KSR2: variants seen among roughly 807,000 people sequenced by gnomAD.
KSR2 encodes kinase suppressor of ras 2.
KSR2 carries 25 observed loss-of-function variants against 107.8 expected under a neutral mutation model. That is an observed-to-expected ratio of 0.23 (90% CI 0.17 to 0.32). The LOEUF is 0.32. KSR2 is among the 10% of genes least tolerant of loss of function. KSR2 has a pLI of 1.00. For missense variants in KSR2, 887 were observed against 1,268.9 expected (o/e 0.70, Z 4.57); for synonymous variants, 480 against 507.0 (o/e 0.95, Z 0.71).
At position 117,545,302 on chromosome 12, in the gene KSR2, G is replaced by A. The variant is rs146042851; in HGVS notation, c.1519-5415C>T. Among the ~76,000 whole-genome samples, 508 of 152,262 alleles carry A rather than the reference G, an allele frequency of 3.3e-3. 2 individuals carry two copies. The highest frequency in any genetic ancestry group is 0.012 in the African/African-American group (486 of 41,562). ...ACTCTGGCTTTAGTATCAGGGTAAT[G>A]TTGGTATATATCATGAGTTGGAAAG... On this transcript the variant is annotated intron_variant, in intron 9 of 19. Transcript: ENST00000339824.
chr12:117,761,112 G>A lies in KSR2; in HGVS notation c.885C>T (p.Ser295=), dbSNP rs1888992020. The A allele has an allele frequency of 1.9e-6, 3 of 1,613,634 alleles. No individual in the cohort carries two copies. Among genetic ancestry groups the A allele is most frequent in the Non-Finnish European group, 2.5e-6 (3 of 1,179,676 alleles). The change falls in exon 4 of 20, where the codon TCC becomes TCT. Residue 295 remains serine (S), a synonymous_variant. Transcript: ENST00000339824. ...CCGGGATCAAGTGTATCAGTTTTCG[G>A]GAGGAGGGCGGTGGGGTCCCCGGGG... ...LKPPGTPPPS[S]RKLIHLIPGF...
At chr12:117,832,658 T>C (rs757515405) in intron 3 of KSR2, among the ~76,000 whole-genome samples, 1 of 152,218 alleles carries the variant, frequency 6.6e-6, no homozygotes, top group Non-Finnish European at 1.5e-5. Context: ...AGCATTCCAA[T>C]CTGCCCTTTC....
At chr12:117,502,316 T>C (rs1472181711) in intron 14 of KSR2, among the ~76,000 whole-genome samples, 1 of 152,246 alleles carries the variant, frequency 6.6e-6, no homozygotes, top group Non-Finnish European at 1.5e-5. Flanking sequence ...TGTATGTTTT[T>C]TTGTGACCTG....
chr12:117,765,622 T>C (rs1889197827), intron 3 of KSR2, among the ~76,000 whole-genome samples: 1 of 152,186 alleles, frequency 6.6e-6, no homozygotes, highest in Admixed American at 6.5e-5. Flanking sequence ...AAAACCTATT[T>C]TTGCAGAGCT....
In KSR2 at chr12:117,724,744, T is replaced by G. The variant is rs74966515; in HGVS notation, c.986+36267A>C. 3.7e-4 allele frequency among the ~76,000 whole-genome samples: 57 copies of G among 152,246 alleles called. No individual in the cohort carries two copies. In the East Asian group the frequency reaches 0.01, roughly 27 times the overall value. Reference sequence around the variant, plus strand: ...GAGGAATCAACAGAGACAAGGCACATTTTTGATCCCTTGTAGCGAGGGTTG... The same window carrying G: ...GAGGAATCAACAGAGACAAGGCACAGTTTTGATCCCTTGTAGCGAGGGTTG... On this transcript the variant is annotated intron_variant, in intron 4 of 19. Coordinates refer to ENST00000339824, the MANE Select transcript of KSR2 (RefSeq NM_173598.6).
chr12:117,812,963 TACAA>T (rs754690296), intron 3 of KSR2, among the ~76,000 whole-genome samples: 1 of 150,402 alleles, frequency 6.6e-6, no homozygotes, highest in East Asian at 1.9e-4. Context: ...TGTACAGGCA[TACAA>T]ACAGACATCA....
intron 12 of KSR2, among the ~76,000 whole-genome samples, chr12:117,527,693 G>A (rs547704999): frequency 6.6e-6 from 1 of 152,296 alleles, no homozygotes; most frequent in Non-Finnish European, 1.5e-5. Context: ...AACTGGCACG[G>A]CTTCTGACCT....
intron 5 of KSR2, among the ~76,000 whole-genome samples, chr12:117,627,701 G>A: frequency 6.6e-6 from 1 of 152,286 alleles, no homozygotes; most frequent in African/African-American, 2.4e-5. Flanking sequence ...TTCTCAAGGA[G>A]TATCTTTGTG....
At chr12:117,769,810 T>C (rs1889371938) in intron 3 of KSR2, among the ~76,000 whole-genome samples, 1 of 152,008 alleles carries the variant, frequency 6.6e-6, no homozygotes, top group South Asian at 2.1e-4. Context: ...TCCTAGCACT[T>C]TGGGAGGCCG....
intron 5 of KSR2, among the ~76,000 whole-genome samples, chr12:117,645,674 G>A (rs1017760078): frequency 3.9e-5 from 6 of 152,134 alleles, no homozygotes; most frequent in African/African-American, 1.4e-4. Flanking sequence ...TGTTTGGAAG[G>A]GGCTGTGATG....
At chr12:117,595,660 G>C (rs1198307885) in intron 5 of KSR2, among the ~76,000 whole-genome samples, 2 of 152,198 alleles carry the variant, frequency 1.3e-5, no homozygotes, top group African/African-American at 2.4e-5. Flanking sequence ...ACCGCGCCCG[G>C]CCCTGCTAGA....
intron 3 of KSR2, among the ~76,000 whole-genome samples, chr12:117,815,400 A>G (rs1330124687): frequency 6.8e-6 from 1 of 147,686 alleles, no homozygotes; most frequent in Non-Finnish European, 1.5e-5. Context: ...CATGTATAAG[A>G]AAAAAAAGCA....
At chr12:117,900,483 A>G (rs1178966761) in intron 1 of KSR2, among the ~76,000 whole-genome samples, 3 of 152,236 alleles carry the variant, frequency 2.0e-5, no homozygotes, top group African/African-American at 7.2e-5. Context: ...ACAGGAAAAC[A>G]GACACAAAAT....
intron 5 of KSR2, among the ~76,000 whole-genome samples, chr12:117,642,731 T>G (rs538420978): frequency 6.6e-6 from 1 of 152,366 alleles, no homozygotes; most frequent in South Asian, 2.1e-4. Flanking sequence ...ATGACTGAAC[T>G]CAAATAGGAA....
intron 14 of KSR2, among the ~76,000 whole-genome samples, chr12:117,523,386 A>C (rs1565882733): frequency 6.6e-6 from 1 of 152,196 alleles, no homozygotes; most frequent in Non-Finnish European, 1.5e-5. Flanking sequence ...GGTCATACTA[A>C]GAATGCCATT....
rs146079117 is a variant in KSR2, at chr12:117,555,415, A to C, written c.1394-122T>G. ...CCTCCAGACTGGAGGACAATTCACT[A>C]AAAGTGATAATGATTCTGTGGTGGG... On this transcript the variant is annotated intron_variant, in intron 8 of 19. Transcript: ENST00000339824. 3.5e-4 allele frequency: 315 copies of C among 904,856 alleles called. 1 individual carries two copies. In the African/African-American group the frequency reaches 3.5e-3, roughly 10 times the overall value. The allele number at this position is 904,856 out of a possible 1,614,324, so 56.1% of individuals were successfully genotyped here.
chr12:117,572,553 T>C (rs1469167219), intron 7 of KSR2, among the ~76,000 whole-genome samples: 1 of 151,896 alleles, frequency 6.6e-6, no homozygotes, highest in Non-Finnish European at 1.5e-5. Context: ...CCCCACATGC[T>C]CAGAGATGGC....
Position 117,918,760 on chromosome 12 carries a change from C to A in KSR2, c.180+49316G>T, listed in dbSNP as rs373810189. On this transcript the variant is annotated intron_variant, in intron 1 of 19. Transcript: ENST00000339824. ...CCAAGATCGCGCCACTGCACTCCAG[C>A]CTGGGCAACAAGGGCGAAACTCCGT... is the stretch of plus-strand genomic sequence containing the variant. Among the ~76,000 whole-genome samples the A allele has an allele frequency of 1.2e-3, 181 of 150,938 alleles. 5 individuals are homozygous for A. The South Asian group carries it at 0.037, about 31-fold the overall frequency.
chr12:117,498,845 C>T (rs562922494), intron 14 of KSR2, among the ~76,000 whole-genome samples: 1 of 152,314 alleles, frequency 6.6e-6, no homozygotes, highest in East Asian at 1.9e-4. Flanking sequence ...TCACCTTCTG[C>T]CATGATTGTG....
Sources: gnomAD v4.1 joint callset for allele counts (sites outside exome capture counted in the v4.1 genomes callset) on GRCh38, gnomAD v4.1.1 for gene constraint, MANE v1.5 for transcripts, NCBI Gene and HGNC (gene_info 2026-07-23, HGNC 2026-07-21) for gene names.